CDH13: variants seen among roughly 807,000 people sequenced by gnomAD.
The protein encoded by CDH13 is cadherin-13.
A neutral mutation model predicts 63.8 loss-of-function variants in CDH13; 24 were observed. That is an observed-to-expected ratio of 0.38 (90% CI 0.27 to 0.53). The LOEUF is 0.53. Among genes scored for constraint, CDH13 ranks in the 20% least tolerant of loss-of-function variants. The pLI is 0.85. For synonymous variants in CDH13, 503 were observed against 355.3 expected (o/e 1.42, Z -4.67); for missense variants, 1,049 against 903.1 (o/e 1.16, Z -2.07).
intron 1 of CDH13, among the ~76,000 whole-genome samples, chr16:82,821,499 A>T (rs990144687): frequency 4.6e-5 from 7 of 152,278 alleles, no homozygotes; most frequent in Non-Finnish European, 8.8e-5. Context: ...CCCTATCCAC[A>T]TTCCTTCTTT....
chr16:83,174,022 C>T (rs1436775511), intron 4 of CDH13, among the ~76,000 whole-genome samples: 2 of 151,990 alleles, frequency 1.3e-5, no homozygotes, highest in African/African-American at 2.4e-5. Context: ...AGTTATCACT[C>T]GAGGGAAAGG....
intron 5 of CDH13, among the ~76,000 whole-genome samples, chr16:83,292,909 T>G (rs1242323481): frequency 6.6e-5 from 10 of 152,196 alleles, no homozygotes; most frequent in Non-Finnish European, 8.8e-5. Context: ...GAAAACAGCA[T>G]TTTACAATAT....
intron 5 of CDH13, 116 bp from the exon 6 acceptor site, chr16:83,344,746 A>C: frequency 4.6e-6 from 5 of 1,097,012 alleles, no homozygotes; most frequent in Non-Finnish European, 5.2e-6. Context: ...CAAAATTTCA[A>C]TATTGCCAAG....
intron 11 of CDH13, among the ~76,000 whole-genome samples, chr16:83,772,316 C>T (rs1237309416): frequency 6.6e-6 from 1 of 152,076 alleles, no homozygotes; most frequent in Non-Finnish European, 1.5e-5. Context: ...GAAGCCAGGG[C>T]AGAGGCAGTA....
intron 6 of CDH13, among the ~76,000 whole-genome samples, chr16:83,395,337 A>G (rs556321119): frequency 6.6e-6 from 1 of 151,496 alleles, no homozygotes; most frequent in African/African-American, 2.4e-5. Context: ...GTCAAGGAAG[A>G]TCAAATACTC....
At chr16:83,048,493 C>T (rs549757793) in intron 3 of CDH13, among the ~76,000 whole-genome samples, 27 of 152,256 alleles carry the variant, frequency 1.8e-4, no homozygotes, top group African/African-American at 6.0e-4. Context: ...TGCTCTTCAC[C>T]TTGAGCACCA....
At chr16:83,574,894 G>C (rs1268445554) in intron 7 of CDH13, among the ~76,000 whole-genome samples, 2 of 152,068 alleles carry the variant, frequency 1.3e-5, no homozygotes, top group Non-Finnish European at 2.9e-5. Flanking sequence ...GGAACAATGT[G>C]AAATACCCAA....
chr16:83,610,372 G>T (rs1301846809), intron 8 of CDH13, among the ~76,000 whole-genome samples: 1 of 151,876 alleles, frequency 6.6e-6, no homozygotes, highest in East Asian at 1.9e-4. Context: ...ACTTCTTTTT[G>T]TCATGTAACT....
intron 4 of CDH13, among the ~76,000 whole-genome samples, chr16:83,167,596 A>T (rs1451469119): frequency 6.6e-6 from 1 of 151,054 alleles, no homozygotes; most frequent in African/African-American, 2.4e-5. Flanking sequence ...ATGTTTTGCT[A>T]AATCTTTCTA....
chr16:82,818,075 C>G (rs1437992981), intron 1 of CDH13, among the ~76,000 whole-genome samples: 1 of 150,924 alleles, frequency 6.6e-6, no homozygotes, highest in Non-Finnish European at 1.5e-5. Flanking sequence ...ACAATGCACA[C>G]ATGTTTATAT....
intron 2 of CDH13, among the ~76,000 whole-genome samples, chr16:82,910,923 A>T (rs1006479330): frequency 6.6e-6 from 1 of 152,136 alleles, no homozygotes; most frequent in Non-Finnish European, 1.5e-5. Context: ...GTGGCCAGTG[A>T]GCAAAGAACA....
At chr16:82,914,110 T>C (rs1312901904) in intron 2 of CDH13, among the ~76,000 whole-genome samples, 1 of 152,138 alleles carries the variant, frequency 6.6e-6, no homozygotes, top group African/African-American at 2.4e-5. Flanking sequence ...GACAGAACTC[T>C]AGCCATTATC....
At chr16:83,454,401 A>C (rs927344044) in intron 6 of CDH13, among the ~76,000 whole-genome samples, 14 of 152,350 alleles carry the variant, frequency 9.2e-5, no homozygotes, top group African/African-American at 3.4e-4. Flanking sequence ...CAATATTGAC[A>C]CTAGAAATCA....
intron 1 of CDH13, among the ~76,000 whole-genome samples, chr16:82,651,137 T>C (rs1437442608): frequency 1.3e-5 from 2 of 152,226 alleles, no homozygotes; most frequent in East Asian, 1.9e-4. Context: ...TTTTAGTGGG[T>C]GGCAAGACTA....
intron 1 of CDH13, among the ~76,000 whole-genome samples, chr16:82,852,097 A>C (rs1401893204): frequency 6.6e-6 from 1 of 152,178 alleles, no homozygotes; most frequent in Non-Finnish European, 1.5e-5. Flanking sequence ...GGAACCTGAG[A>C]GTGTTCTCAA....
At chr16:83,587,564 A>G (rs1199063252) in intron 7 of CDH13, among the ~76,000 whole-genome samples, 1 of 152,214 alleles carries the variant, frequency 6.6e-6, no homozygotes, top group East Asian at 1.9e-4. Flanking sequence ...CGTGATTAGA[A>G]AACATACAGA....
At chr16:83,668,606 G>C (rs1337553308) in intron 8 of CDH13, among the ~76,000 whole-genome samples, 1 of 152,232 alleles carries the variant, frequency 6.6e-6, no homozygotes, top group Non-Finnish European at 1.5e-5. Context: ...CCAGTCCTTT[G>C]GCTCTGGACC....
At chr16:83,450,028 A>G (rs1598049012) in intron 6 of CDH13, among the ~76,000 whole-genome samples, 1 of 152,310 alleles carries the variant, frequency 6.6e-6, no homozygotes, top group East Asian at 1.9e-4. Flanking sequence ...CCCCGGGCCC[A>G]GCTGCTCATC....
chr16:83,646,423 G>A (rs1181254953), intron 8 of CDH13, among the ~76,000 whole-genome samples: 5 of 152,172 alleles, frequency 3.3e-5, no homozygotes, highest in East Asian at 1.9e-4. Flanking sequence ...TGTGTTGGCC[G>A]GACCCAGTGG....
Sources: allele counts gnomAD v4.1 joint callset (sites outside exome capture counted in the v4.1 genomes callset), GRCh38; gene constraint gnomAD v4.1.1; transcripts MANE v1.5; gene names NCBI Gene and HGNC (gene_info 2026-07-23, HGNC 2026-07-21).